The following GAS2L3 variants were observed in gnomAD, a reference collection of about 807,000 sequenced individuals.
The protein encoded by GAS2L3 is GAS2-like protein 3.
In GAS2L3, 28 loss-of-function variants were observed where a neutral mutation model predicts 37.0. That is an observed-to-expected ratio of 0.76 (90% CI 0.56 to 1.04). The LOEUF (loss-of-function observed/expected upper bound fraction) is 1.04. GAS2L3 is among the 50% of genes least tolerant of loss of function. The pLI is 0.00. For missense variants in GAS2L3, 793 were observed against 817.6 expected, an observed-to-expected ratio of 0.97 and a Z score of 0.37; for synonymous variants, 290 against 296.6, an observed-to-expected ratio of 0.98 and a Z score of 0.23.
chr12:100,622,448 C>A (rs1956267316), intron 9 of GAS2L3, 66 bp downstream of exon 9: 4 of 794,812 alleles, frequency 5.0e-6, no homozygotes, highest in Non-Finnish European at 8.3e-6. Flanking sequence ...TATTGCTTTA[C>A]TAACCTTTTG....
chr12:100,611,579 G>A (rs907530313), intron 5 of GAS2L3, among the ~76,000 whole-genome samples: 1 of 152,088 alleles, frequency 6.6e-6, no homozygotes, highest in African/African-American at 2.4e-5. Context: ...GGCGGGGGTG[G>A]TTTTGGGATG....
intron 7 of GAS2L3, 127 bp from the exon 8 acceptor site, chr12:100,618,322 T>C: frequency 1.1e-6 from 1 of 884,290 alleles, no homozygotes; most frequent in Non-Finnish European, 1.7e-6. Context: ...TTTTCAAATA[T>C]CCCAGTGAAA....
chr12:100,578,103 G>T (rs1385603468), intron 1 of GAS2L3, among the ~76,000 whole-genome samples: 1 of 152,228 alleles, frequency 6.6e-6, no homozygotes, highest in African/African-American at 2.4e-5. Flanking sequence ...GAAGAACAGG[G>T]TTGCAAGGCT....
intron 5 of GAS2L3, among the ~76,000 whole-genome samples, chr12:100,608,769 C>T (rs1956090063): frequency 6.6e-6 from 1 of 152,168 alleles, no homozygotes; most frequent in Non-Finnish European, 1.5e-5. Context: ...CCTCGGCCTC[C>T]CAAAGTTCTG....
chr12:100,609,874 C>T (rs1407789694), intron 5 of GAS2L3, among the ~76,000 whole-genome samples: 4 of 152,180 alleles, frequency 2.6e-5, no homozygotes, highest in Non-Finnish European at 4.4e-5. Context: ...GTGCTCTCCC[C>T]CTCCCAAATA....
In GAS2L3 at chr12:100,626,790, C is replaced by T. The variant is rs1787750450; in HGVS notation, c.*1900C>T. The T allele has an allele frequency of 6.6e-6, 1 of 152,118 alleles. No homozygotes were observed. Among genetic ancestry groups the T allele is most frequent in the Non-Finnish European group, 1.5e-5 (1 of 68,020 alleles). 9.4% of individuals were successfully genotyped at this position (152,118 alleles called of 1,614,324 possible). On this transcript the variant is annotated 3_prime_UTR_variant, in exon 10 of 10. Coordinates refer to ENST00000547754, the MANE Select transcript of GAS2L3 (RefSeq NM_174942.3). The stretch of plus-strand genomic sequence containing the variant: ...ATAAAAGTATCCCACAGGCATCTGA[C>T]ACAAATTCCAGAATTAGCCAAAGAA...
chr12:100,612,933 C>A (rs1956143547), intron 6 of GAS2L3, among the ~76,000 whole-genome samples: 1 of 152,174 alleles, frequency 6.6e-6, no homozygotes, highest in Non-Finnish European at 1.5e-5. Context: ...TTTTAAAATT[C>A]TCTACTGACA....
intron 5 of GAS2L3, among the ~76,000 whole-genome samples, chr12:100,607,810 G>A (rs1440495628): frequency 1.3e-5 from 2 of 152,052 alleles, no homozygotes; most frequent in Non-Finnish European, 2.9e-5. Flanking sequence ...TTGTCTGATA[G>A]TATTCTTTCT....
chr12:100,619,220 C>T (rs1956224480), intron 8 of GAS2L3, among the ~76,000 whole-genome samples: 1 of 151,322 alleles, frequency 6.6e-6, no homozygotes. Context: ...AGCATTCTCT[C>T]CTCCAGAATA....
At chr12:100,596,653 T>A (rs917293983) in intron 3 of GAS2L3, among the ~76,000 whole-genome samples, 1 of 152,140 alleles carries the variant, frequency 6.6e-6, no homozygotes, top group African/African-American at 2.4e-5. Flanking sequence ...TTAATTGATG[T>A]CTTACTAATT....
intron 8 of GAS2L3, among the ~76,000 whole-genome samples, chr12:100,621,882 G>GGGA (rs1555203890): frequency 1.1e-3 from 91 of 81,284 alleles, no homozygotes; most frequent in African/African-American, 4.7e-3. Context: ...GGTGGGGGGG[G>GGGA]GAGAGAGAGA....
chr12:100,623,438 G>A (rs1354068621), intron 9 of GAS2L3, 124 bp from the exon 10 acceptor site: 2 of 716,600 alleles, frequency 2.8e-6, no homozygotes, highest in Non-Finnish European at 4.4e-6. Context: ...AATTTGTAGT[G>A]AGGCTGTTGG....
Position 100,589,887 on chromosome 12 carries a change from C to A in GAS2L3, c.-151-1849C>A, listed in dbSNP as rs1452870093. Among the ~76,000 whole-genome samples, 4 of 152,170 alleles carry A rather than the reference C, an allele frequency of 2.6e-5. No individual in the cohort carries two copies. The South Asian group carries it at 6.2e-4, about 24-fold the overall frequency. On this transcript the variant is annotated intron_variant, in intron 1 of 9. Transcript: ENST00000547754. ...GGCTAGCCACGTGTAGGATCCTCAT[C>A]TCTCACCTTACACAAAAATCAACTC...
rs1428374568 is a variant in GAS2L3, at chr12:100,627,956, G to A, written c.*3066G>A. 3 of 152,192 alleles carry A rather than the reference G, an allele frequency of 2.0e-5. No individual in the cohort carries two copies. The highest frequency in any genetic ancestry group is 7.2e-5 in the African/African-American group (3 of 41,454). 9.4% of individuals were successfully genotyped at this position (152,192 alleles called of 1,614,324 possible). A position where few individuals can be genotyped will look rare whatever the true frequency, so the allele number is the denominator to read the frequency against. ...TATTTTTACCTTGTTTGGGCTTAAA[G>A]TAGGTATTTAAGGTTTATGTGTTCA... is the stretch of plus-strand genomic sequence containing the variant. On this transcript the variant is annotated 3_prime_UTR_variant, in exon 10 of 10. Transcript: ENST00000547754.
At chr12:100,589,812 A>G (rs1487610198) in intron 1 of GAS2L3, among the ~76,000 whole-genome samples, 1 of 152,218 alleles carries the variant, frequency 6.6e-6, no homozygotes, top group Non-Finnish European at 1.5e-5. Flanking sequence ...AAACAAAAAC[A>G]TAAAGTGGGG....
intron 3 of GAS2L3, among the ~76,000 whole-genome samples, chr12:100,598,138 A>G (rs1296997140): frequency 7.2e-5 from 11 of 152,284 alleles, no homozygotes; most frequent in Non-Finnish European, 1.3e-4. Context: ...CACAACCACA[A>G]TGAAATAGTC....
chr12:100,618,953 G>C (rs549283190), intron 8 of GAS2L3, among the ~76,000 whole-genome samples: 45 of 152,018 alleles, frequency 3.0e-4, no homozygotes, highest in Admixed American at 2.6e-4. Flanking sequence ...AGGTTATATT[G>C]GTTTTGTGGT....
chr12:100,600,937 G>T (rs1483443413), intron 4 of GAS2L3, among the ~76,000 whole-genome samples: 1 of 151,850 alleles, frequency 6.6e-6, no homozygotes, highest in Admixed American at 6.6e-5. Flanking sequence ...TATACTGTAG[G>T]TTAAATGATT....
intron 3 of GAS2L3, among the ~76,000 whole-genome samples, chr12:100,598,145 A>G (rs1373237683): frequency 1.3e-5 from 2 of 152,196 alleles, no homozygotes; most frequent in African/African-American, 4.8e-5. Context: ...ACAATGAAAT[A>G]GTCAGAATCA....
Sources: allele counts gnomAD v4.1 joint callset (sites outside exome capture counted in the v4.1 genomes callset), GRCh38; gene constraint gnomAD v4.1.1; transcripts MANE v1.5; gene names NCBI Gene and HGNC (gene_info 2026-07-23, HGNC 2026-07-21).